Variants in ITSN1 observed in about 807,000 individuals in gnomAD.
ITSN1 encodes intersectin-1.
A neutral mutation model predicts 239.8 loss-of-function variants in ITSN1; 58 were observed. The ratio of observed to expected loss-of-function variants is 0.24; its 90% confidence interval spans 0.20 to 0.30. The LOEUF (loss-of-function observed/expected upper bound fraction) is 0.30. Among genes scored for constraint, ITSN1 ranks in the 10% least tolerant of loss-of-function variants. The pLI is 1.00. For synonymous variants in ITSN1, 780 were observed against 770.8 expected (o/e 1.01, Z -0.20); for missense variants, 1,558 against 2,103.3 (o/e 0.74, Z 5.07).
intron 12 of ITSN1, 96 bp from the exon 13 acceptor site, chr21:33,774,633 C>G: frequency 8.6e-7 from 1 of 1,165,002 alleles, no homozygotes; most frequent in Non-Finnish European, 1.2e-6. Context: ...TATTTCATCC[C>G]TAAAAGGAAA....
chr21:33,795,822 A>C (rs1038994566), intron 17 of ITSN1, among the ~76,000 whole-genome samples: 23 of 152,322 alleles, frequency 1.5e-4, no homozygotes, highest in African/African-American at 5.3e-4. Context: ...AATACAGAAA[A>C]TAGCATAAAA....
intron 1 of ITSN1, among the ~76,000 whole-genome samples, chr21:33,678,976 AT>A (rs1198582215): frequency 1.3e-5 from 2 of 152,158 alleles, no homozygotes; most frequent in African/African-American, 4.8e-5. Context: ...ATGGTTCTTG[AT>A]TTTTTAACCT....
chr21:33,838,535 G>A (rs1320781760), intron 29 of ITSN1: 1 of 889,566 alleles, frequency 1.1e-6, no homozygotes, highest in Admixed American at 6.2e-5. Context: ...GTTGGAACCT[G>A]GCAGTGGTGG....
At chr21:33,859,679 T>C (rs979701381) in intron 31 of ITSN1, among the ~76,000 whole-genome samples, 1 of 152,162 alleles carries the variant, frequency 6.6e-6, no homozygotes, top group Non-Finnish European at 1.5e-5. Context: ...GGTCTCTGCA[T>C]TGTTCTTATA....
At chr21:33,868,047 C>T (rs1981960989) in intron 33 of ITSN1, among the ~76,000 whole-genome samples, 1 of 152,200 alleles carries the variant, frequency 6.6e-6, no homozygotes, top group Non-Finnish European at 1.5e-5. Context: ...AACAAAGCTT[C>T]CACGGTGTGG....
chr21:33,858,520 G>A (rs1979818506), intron 30 of ITSN1, among the ~76,000 whole-genome samples, 166 bp from the exon 31 acceptor site: 1 of 152,210 alleles, frequency 6.6e-6, no homozygotes, highest in Non-Finnish European at 1.5e-5. Context: ...GGGCAGAGGA[G>A]GGGCTCTCTG....
chr21:33,864,311 G>A (rs902171091), intron 31 of ITSN1, among the ~76,000 whole-genome samples: 5 of 152,164 alleles, frequency 3.3e-5, no homozygotes, highest in East Asian at 1.9e-4. Flanking sequence ...ATGGCTTCAT[G>A]TTGTGGTCCT....
chr21:33,814,612 T>C (rs2073141191), intron 22 of ITSN1: 1 of 152,608 alleles, frequency 6.6e-6, no homozygotes, highest in South Asian at 2.1e-4. Flanking sequence ...GATAAAATAC[T>C]CAAATTTCTA....
chr21:33,810,651 C>T (rs1358544192), intron 20 of ITSN1, among the ~76,000 whole-genome samples: 1 of 152,146 alleles, frequency 6.6e-6, no homozygotes, highest in Non-Finnish European at 1.5e-5. Context: ...TCTGATGAAG[C>T]CTGTTAAGTC....
rs182105903 is a variant in ITSN1 at position 33,669,018 on chromosome 21, G to A, written c.-33+26305G>A. ...TCAGGGCTCCTTTCCACCTGTGGTG[G>A]CCACAGGTTCAAGACTCCTGTCCAA... On this transcript the variant is annotated intron_variant, in intron 1 of 39. Transcript: ENST00000381318. Among the ~76,000 whole-genome samples, 6 of 152,342 alleles carry A rather than the reference G, an allele frequency of 3.9e-5. No individual in the cohort carries two copies. In the East Asian group the frequency reaches 9.6e-4, roughly 24 times the overall value.
intron 5 of ITSN1, among the ~76,000 whole-genome samples, chr21:33,745,286 A>G (rs2147387474): frequency 6.6e-6 from 1 of 152,342 alleles, no homozygotes; most frequent in Admixed American, 6.5e-5. Flanking sequence ...CAGACTGGGA[A>G]ACTCCACAGG....
intron 1 of ITSN1, among the ~76,000 whole-genome samples, chr21:33,648,207 A>G (rs2088158233): frequency 6.6e-6 from 1 of 152,206 alleles, no homozygotes; most frequent in African/African-American, 2.4e-5. Context: ...AAACTCAGAA[A>G]TCTTGTGCAT....
At chr21:33,868,779 G>A (rs1410942794) in intron 33 of ITSN1, among the ~76,000 whole-genome samples, 6 of 152,272 alleles carry the variant, frequency 3.9e-5, no homozygotes, top group African/African-American at 1.4e-4. Context: ...TGCAGTGGTG[G>A]GCTGAAGGGC....
chr21:33,763,258 G>A (rs530881602), intron 9 of ITSN1, among the ~76,000 whole-genome samples: 26 of 114,874 alleles, frequency 2.3e-4, no homozygotes, highest in Admixed American at 2.3e-3. Context: ...AAAAAACTCC[G>A]TTAAAAACAA....
At chr21:33,847,998 C>G (rs2075037215) in intron 29 of ITSN1, among the ~76,000 whole-genome samples, 1 of 152,176 alleles carries the variant, frequency 6.6e-6, no homozygotes, top group Non-Finnish European at 1.5e-5. Context: ...TTGCGTGACC[C>G]CAGTGTGTGG....
intron 29 of ITSN1, 150 bp from the exon 30 acceptor site, chr21:33,856,586 A>G (rs1036671349): frequency 9.2e-6 from 9 of 979,162 alleles, no homozygotes; most frequent in Non-Finnish European, 1.4e-5. Context: ...TAGGGCTTCC[A>G]CATATTACTG....
intron 29 of ITSN1, among the ~76,000 whole-genome samples, chr21:33,850,703 G>A (rs1184112222): frequency 6.6e-6 from 1 of 152,210 alleles, no homozygotes; most frequent in Non-Finnish European, 1.5e-5. Context: ...CAGCTGCAGG[G>A]TAAAGGGACA....
intron 11 of ITSN1, among the ~76,000 whole-genome samples, chr21:33,771,171 C>T (rs940624186): frequency 2.6e-5 from 4 of 152,186 alleles, no homozygotes; most frequent in Non-Finnish European, 4.4e-5. Context: ...CATCTCTAAT[C>T]GCTGACTACA....
chr21:33,738,564 G>A lies in ITSN1; in HGVS notation c.346+3360G>A, dbSNP rs556196301. Among the ~76,000 whole-genome samples the A allele has an allele frequency of 2.0e-5, 3 of 151,740 alleles. No homozygotes were observed. The South Asian group carries it at 6.3e-4, about 32-fold the overall frequency. On this transcript the variant is annotated intron_variant, in intron 5 of 39. Coordinates refer to ENST00000381318, the MANE Select transcript of ITSN1 (RefSeq NM_003024.3). ...TTACAGGCACCCACCACCACACCCG[G>A]CTAATTTTTCTATTTTTAGTAGCGA...
Sources: gnomAD v4.1 joint callset for allele counts (sites outside exome capture counted in the v4.1 genomes callset) on GRCh38, gnomAD v4.1.1 for gene constraint, MANE v1.5 for transcripts, NCBI Gene and HGNC (gene_info 2026-07-23, HGNC 2026-07-21) for gene names.